LZTS1: variants seen among roughly 807,000 people sequenced by gnomAD.
LZTS1 encodes leucine zipper tumor suppressor 1.
Under a neutral mutation model 45.8 loss-of-function variants are expected in LZTS1, and 31 were observed. The ratio of observed to expected loss-of-function variants is 0.68; its 90% CI spans 0.51 to 0.91. The LOEUF (loss-of-function observed/expected upper bound fraction) is 0.91, where lower values mean the gene tolerates loss of function less well. LZTS1 is among the 40% of genes least tolerant of loss of function. The pLI is 0.00. For missense variants in LZTS1, 821 were observed against 788.9 expected (o/e 1.04, Z -0.49); for synonymous variants, 359 against 357.3 (o/e 1.00, Z -0.05).
intron 1 of LZTS1, among the ~76,000 whole-genome samples, chr8:20,298,980 C>G (rs1000000362): frequency 1.3e-5 from 2 of 152,242 alleles, no homozygotes; most frequent in African/African-American, 2.4e-5. Context: ...GTAAGCTCAC[C>G]AGCTATGCTC....
Position 20,250,147 on chromosome 8 carries a change from G to T in LZTS1, c.1366C>A (p.Arg456Ser). Residue 456 changes from arginine (R) to serine (S), a missense_variant, in exon 4 of 4, where the codon CGC (arginine) becomes AGC (serine). Arg to Ser is a moderately radical substitution (Grantham distance 110). Coordinates refer to ENST00000381569, the MANE Select transcript of LZTS1 (RefSeq NM_021020.5). Reference sequence around the variant, plus strand: ...AGCAGCTCCGCCTCGTTCTTCTTGCGCTGCAGCTCATTCTCACAGACCTCC... The same window carrying T: ...AGCAGCTCCGCCTCGTTCTTCTTGCTCTGCAGCTCATTCTCACAGACCTCC... ...ELEVCENELQRKKNEAELLRE... is the reference protein window; with the variant it reads ...ELEVCENELQSKKNEAELLRE... 6.2e-7 allele frequency: 1 copy of T among 1,608,756 alleles called. No homozygotes were observed.
chr8:20,249,562 G>T lies in LZTS1; in HGVS notation c.*160C>A. The T allele has an allele frequency of 1.2e-6, 1 of 838,830 alleles. No individual in the cohort carries two copies. The highest frequency in any genetic ancestry group is 1.8e-6 in the Non-Finnish European group (1 of 555,134). The allele number at this position is 838,830 out of a possible 1,614,324, so 52.0% of individuals were successfully genotyped here. A position where few individuals can be genotyped will look rare whatever the true frequency, so the allele number is the denominator to read the frequency against. ...CTGGTGAGCACTGGGACATCAGAGA[G>T]GGAAGGAAAGGCCATCCTGCCCTCC... On this transcript the variant is annotated 3_prime_UTR_variant, in exon 4 of 4. Coordinates refer to ENST00000381569, the MANE Select transcript of LZTS1 (RefSeq NM_021020.5).
intron 1 of LZTS1, among the ~76,000 whole-genome samples, chr8:20,271,854 C>T (rs1800480249): frequency 6.6e-6 from 1 of 152,224 alleles, no homozygotes; most frequent in African/African-American, 2.4e-5. Context: ...GACAGACTAG[C>T]CATAGGCGAG....
At chr8:20,280,826 C>T (rs1011367048) in intron 1 of LZTS1, among the ~76,000 whole-genome samples, 5 of 152,146 alleles carry the variant, frequency 3.3e-5, no homozygotes, top group Non-Finnish European at 5.9e-5. Flanking sequence ...CCCTACCTTC[C>T]ACCTGGACAT....
chr8:20,278,569 C>G (rs1427434402), intron 1 of LZTS1, among the ~76,000 whole-genome samples: 1 of 152,218 alleles, frequency 6.6e-6, no homozygotes, highest in Non-Finnish European at 1.5e-5. Flanking sequence ...GTTGTTAATA[C>G]ACTTTCACTC....
chr8:20,302,525 A>C (rs1801098387), intron 1 of LZTS1, among the ~76,000 whole-genome samples: 1 of 152,196 alleles, frequency 6.6e-6, no homozygotes, highest in South Asian at 2.1e-4. Flanking sequence ...GTCTTGGTGC[A>C]GGAACTGCCA....
In LZTS1 at chr8:20,247,201, C is replaced by A. The variant is rs74780391; in HGVS notation, c.*2521G>T. 4,067 of 152,576 alleles carry A rather than the reference C, an allele frequency of 0.027. 159 individuals are homozygous for A. Among genetic ancestry groups the A allele is most frequent in the African/African-American group, 0.093 (3,883 of 41,566 alleles). 9.5% of individuals were successfully genotyped at this position (152,576 alleles called of 1,614,324 possible). On this transcript the variant is annotated 3_prime_UTR_variant, in exon 4 of 4. Transcript: ENST00000381569. ...CAGGGCCATGGAGATATGGAGAAGG[C>A]TGCACTCCTCTGTGTATGGAAGGTA...
rs1800001835 is a variant in LZTS1 at position 20,253,424 on chromosome 8, C to G, written c.507G>C (p.Gly169=). Residue 169 remains glycine (G), a synonymous_variant, in exon 3 of 4, where the codon GGG becomes GGC. Coordinates refer to ENST00000381569, the MANE Select transcript of LZTS1 (RefSeq NM_021020.5). ...AGTTCCGGCCGGAGTCTGACAGCGC[C>G]CCAGAGCACAGGCCAGGCTTCAGCT... ...EQELKPGLCS[G]ALSDSGRNSM... The G allele has an allele frequency of 6.2e-7, 1 of 1,612,296 alleles. No homozygotes were observed. Among genetic ancestry groups the G allele is most frequent in the Non-Finnish European group, 8.5e-7 (1 of 1,179,198 alleles).
Position 20,254,867 on chromosome 8 carries a change from C to T in LZTS1, c.315G>A (p.Lys105=). The T allele has an allele frequency of 6.2e-7, 1 of 1,613,452 alleles. No individual in the cohort carries two copies. The highest frequency in any genetic ancestry group is 8.5e-7 in the Non-Finnish European group (1 of 1,179,558). The change falls in exon 2 of 4, where the codon AAG becomes AAA. Residue 105 remains lysine (K), a synonymous_variant. Transcript: ENST00000381569. The part of the protein sequence containing the change: ...GVDFDPSTPP[K]LMPFSNQLEM... ...CTAGCTGATTGGAGAAGGGCATGAG[C>T]TTGGGGGGTGTGGACGGGTCAAAGT...
chr8:20,250,125 A>G lies in LZTS1; in HGVS notation c.1388T>C (p.Leu463Pro). 2.5e-6 allele frequency: 4 copies of G among 1,607,672 alleles called. No homozygotes were observed. The highest frequency in any genetic ancestry group is 1.1e-5 in the South Asian group (1 of 91,018). ...CAGCAGGTTCACCTTCTCCCGCAGC[A>G]GCTCCGCCTCGTTCTTCTTGCGCTG... ...ELQRKKNEAELLREKVNLLEQ... is the reference protein window; with the variant it reads ...ELQRKKNEAEPLREKVNLLEQ... The change falls in exon 4 of 4, where the codon CTG (leucine) becomes CCG (proline). Residue 463 changes from leucine to proline, a missense_variant. Coordinates refer to ENST00000381569, the MANE Select transcript of LZTS1 (RefSeq NM_021020.5).
intron 1 of LZTS1, chr8:20,289,756 CTG>C (rs1800867194): frequency 6.6e-6 from 1 of 152,262 alleles, no homozygotes; most frequent in African/African-American, 2.4e-5. Context: ...GCCAATGCGA[CTG>C]AGGCTAATTC....
chr8:20,289,966 A>C (rs190294269), intron 1 of LZTS1: 5 of 152,360 alleles, frequency 3.3e-5, no homozygotes, highest in African/African-American at 7.2e-5. Context: ...CCTGGGGGGA[A>C]GTCCCATGGC....
chr8:20,255,068 G>C lies in LZTS1; in HGVS notation c.114C>G (p.Ser38=), dbSNP rs777378841. 1.2e-6 allele frequency: 2 copies of C among 1,614,196 alleles called. No homozygotes were observed. The highest frequency in any genetic ancestry group is 3.3e-5 in the Admixed American group (2 of 60,024). The change falls in exon 2 of 4, where the codon TCC becomes TCG. Residue 38 remains serine (S), a synonymous_variant. Coordinates refer to ENST00000381569, the MANE Select transcript of LZTS1 (RefSeq NM_021020.5). ...SSHLKKLNRY[S]DGLLRFGFSQ... is the part of the protein sequence containing the mutation. Reference sequence around the variant, plus strand: ...AGAAGCCAAACCTCAGCAGCCCGTCGGAATACCGGTTGAGCTTCTTGAGGT... The same window carrying C: ...AGAAGCCAAACCTCAGCAGCCCGTCCGAATACCGGTTGAGCTTCTTGAGGT...
chr8:20,271,795 A>ACTAT lies in LZTS1; in HGVS notation c.-134-16484_-134-16481dup, dbSNP rs751938884. 2.6e-5 allele frequency among the ~76,000 whole-genome samples: 4 copies of ACTAT among 152,288 alleles called. No individual in the cohort carries two copies. The East Asian group carries it at 5.8e-4, about 22-fold the overall frequency. ...GCTCTGTTAAGAATTCAAACCCAAG[A>ACTAT]CTATGCATTTCCATTGCCTGTGGTT... On this transcript the variant is annotated intron_variant, in intron 1 of 3. Transcript: ENST00000381569.
At chr8:20,266,863 T>C (rs989591463) in intron 1 of LZTS1, among the ~76,000 whole-genome samples, 5 of 151,972 alleles carry the variant, frequency 3.3e-5, no homozygotes, top group African/African-American at 1.2e-4. Flanking sequence ...ATCCCAGCAC[T>C]TGGGGATGCC....
chr8:20,290,891 C>G lies in LZTS1; in HGVS notation c.-135+12849G>C, dbSNP rs563731088. Among the ~76,000 whole-genome samples the G allele has an allele frequency of 3.3e-5, 5 of 152,334 alleles. 1 individual carries two copies. In the South Asian group the frequency reaches 1.0e-3, roughly 32 times the overall value. On this transcript the variant is annotated intron_variant, in intron 1 of 3. Transcript: ENST00000381569. Reference sequence around the variant, plus strand: ...CCAGCCACTGCCCTTGGGGAGAAATCTCCCTCCCCTAAAGTCTGTCCCATG... The same window carrying G: ...CCAGCCACTGCCCTTGGGGAGAAATGTCCCTCCCCTAAAGTCTGTCCCATG...
chr8:20,253,358 G>A lies in LZTS1; in HGVS notation c.573C>T (p.Tyr191=), dbSNP rs2128892259. ...CGGGTGTGACCAGCGGGTCCAGCTG[G>A]TAGCTGCTGCTGGTGCTGTGTGTGG... The part of the protein sequence containing the change: ...SLPTHSTSSS[Y]QLDPLVTPVG... The change falls in exon 3 of 4, where the codon TAC becomes TAT. Residue 191 remains tyrosine, a synonymous_variant. Coordinates refer to ENST00000381569, the MANE Select transcript of LZTS1 (RefSeq NM_021020.5). 1 of 1,613,612 alleles carries A rather than the reference G, an allele frequency of 6.2e-7. No individual in the cohort carries two copies. The highest frequency in any genetic ancestry group is 1.1e-5 in the South Asian group (1 of 91,068).
chr8:20,271,044 C>G (rs1800462892), intron 1 of LZTS1, among the ~76,000 whole-genome samples: 2 of 152,036 alleles, frequency 1.3e-5, no homozygotes, highest in Non-Finnish European at 2.9e-5. Flanking sequence ...CTGGCACTGT[C>G]TGTGTGTGCC....
rs1047267844 is a variant in LZTS1 at position 20,250,042 on chromosome 8, G to C, written c.1471C>G (p.Pro491Ala). The change falls in exon 4 of 4, where the codon CCC becomes GCC. Residue 491 changes from proline (P) to alanine (A), a missense_variant. Pro to Ala is a conservative substitution (Grantham distance 27). Coordinates refer to ENST00000381569, the MANE Select transcript of LZTS1 (RefSeq NM_021020.5). ...QAALARDMGP[P>A]TFPEDVPALQ... ...GCAGGGACGTCCTCGGGGAAGGTGG[G>C]CGGCCCCATGTCGCGGGCCAGGGCG... The C allele has an allele frequency of 7.5e-6, 12 of 1,609,454 alleles. No homozygotes were observed. The highest frequency in any genetic ancestry group is 1.0e-5 in the Non-Finnish European group (12 of 1,179,124).
Sources: gnomAD v4.1 joint callset for allele counts (sites outside exome capture counted in the v4.1 genomes callset) on GRCh38, gnomAD v4.1.1 for gene constraint, MANE v1.5 for transcripts, NCBI Gene and HGNC (gene_info 2026-07-23, HGNC 2026-07-21) for gene names.